The following PRG2 variants were observed in gnomAD, a reference collection of about 807,000 sequenced individuals.
PRG2 encodes the protein bone marrow proteoglycan.
A neutral mutation model predicts 24.7 loss-of-function variants in PRG2; 23 were observed. The ratio of observed to expected loss-of-function variants is 0.93; its 90% CI spans 0.67 to 1.32. The LOEUF (loss-of-function observed/expected upper bound fraction) is 1.32, where lower values mean the gene tolerates loss of function less well. Among genes scored for constraint, PRG2 ranks in the 40% most tolerant of loss-of-function variants. The pLI is 0.00. For synonymous variants in PRG2, 104 were observed against 99.8 expected, an observed-to-expected ratio of 1.04 and a Z score of -0.25; for missense variants, 271 against 280.9, an observed-to-expected ratio of 0.96 and a Z score of 0.25.
chr11:57,388,513 A>T (rs936319016), intron 4 of PRG2, 64 bp downstream of exon 4: 1 of 1,596,042 alleles, frequency 6.3e-7, no homozygotes, highest in Non-Finnish European at 8.6e-7. Flanking sequence ...GACAAATCTG[A>T]TGCAAGCTGA....
chr11:57,389,983 T>C, intron 1 of PRG2, 27 bp from the exon 2 acceptor site: 1 of 1,565,988 alleles, frequency 6.4e-7, no homozygotes, highest in Non-Finnish European at 8.8e-7. Context: ...AGTTTGTCAT[T>C]GACACACACA....
chr11:57,388,932 G>T, intron 3 of PRG2, 78 bp downstream of exon 3: 1 of 1,529,026 alleles, frequency 6.5e-7, no homozygotes, highest in Non-Finnish European at 8.8e-7. Context: ...GGGAAAAAGA[G>T]CCAGTGATAG....
intron 4 of PRG2, 109 bp from the exon 5 acceptor site, chr11:57,387,974 T>G (rs1590656461): frequency 9.8e-6 from 7 of 712,076 alleles, no homozygotes; most frequent in Non-Finnish European, 1.6e-5. Context: ...AATGGGCCCT[T>G]CCCTGCTGGA....
chr11:57,390,267 T>C (rs1258619013), intron 1 of PRG2, among the ~76,000 whole-genome samples: 1 of 152,130 alleles, frequency 6.6e-6, no homozygotes, highest in Non-Finnish European at 1.5e-5. Context: ...TCAGAGTCTA[T>C]GACATAAAAA....
At chr11:57,388,548 A>C (rs1590657054) in intron 4 of PRG2, 29 bp downstream of exon 4, 1 of 1,611,284 alleles carries the variant, frequency 6.2e-7, no homozygotes, top group Non-Finnish European at 8.5e-7. Context: ...CAGCAGGTGC[A>C]CCCCATTTAG....
chr11:57,389,452 C>A, intron 2 of PRG2, 135 bp from the exon 3 acceptor site: 2 of 1,019,822 alleles, frequency 2.0e-6, no homozygotes, highest in Non-Finnish European at 1.4e-6. Context: ...GGAACCCAGT[C>A]TCTATGAGGG....
intron 3 of PRG2, 23 bp downstream of exon 3, chr11:57,388,987 A>C (rs1857103894): frequency 6.2e-7 from 1 of 1,605,138 alleles, no homozygotes; most frequent in Admixed American, 1.7e-5. Flanking sequence ...CTCCCACCTC[A>C]GCCTCAGCCA....
rs1857064601 is a variant in PRG2 at position 57,387,399 on chromosome 11, AG to A, written c.*75del. The A allele has an allele frequency of 7.8e-7, 1 of 1,274,716 alleles. No homozygotes were observed. Among genetic ancestry groups the A allele is most frequent in the Non-Finnish European group, 1.1e-6 (1 of 895,582 alleles). The allele number at this position is 1,274,716 out of a possible 1,614,324, so 79.0% of individuals were successfully genotyped here. A position where few individuals can be genotyped will look rare whatever the true frequency, so the allele number is the denominator to read the frequency against. ...AACCCATTTTATTGCAGGGAGGTGGAGGGAGGGATGGCAAGCAGAGGAGGGG... is the reference window on the plus strand; with the variant it reads ...AACCCATTTTATTGCAGGGAGGTGGAGGAGGGATGGCAAGCAGAGGAGGGG... On this transcript the variant is annotated 3_prime_UTR_variant, in exon 6 of 6. Transcript: ENST00000311862.
At chr11:57,389,813 G>A in intron 2 of PRG2, 74 bp downstream of exon 2, 1 of 1,331,842 alleles carries the variant, frequency 7.5e-7, no homozygotes, top group African/African-American at 1.5e-5. Flanking sequence ...GGGGGTGGGT[G>A]TGTAACTCTG....
At chr11:57,387,960 G>A (rs1053913270) in intron 4 of PRG2, 95 bp from the exon 5 acceptor site, 13 of 858,104 alleles carry the variant, frequency 1.5e-5, no homozygotes, top group African/African-American at 1.2e-4. Flanking sequence ...GCTGCCCACC[G>A]GGCAATGGGC....
At position 57,387,340 on chromosome 11, in the gene PRG2, G is replaced by T; in HGVS notation, c.*135C>A. The T allele has an allele frequency of 4.0e-6, 3 of 756,430 alleles. No individual in the cohort carries two copies. Among genetic ancestry groups the T allele is most frequent in the Non-Finnish European group, 6.6e-6 (3 of 454,386 alleles). 46.9% of individuals were successfully genotyped at this position (756,430 alleles called of 1,614,324 possible). A position where few individuals can be genotyped will look rare whatever the true frequency, so the allele number is the denominator to read the frequency against. ...AATGAGGGCTAAGCAGAGTGGATCC[G>T]CGATCAGAGGAGAAAATAAATCCAT... On this transcript the variant is annotated 3_prime_UTR_variant, in exon 6 of 6. Coordinates refer to ENST00000311862, the MANE Select transcript of PRG2 (RefSeq NM_002728.6).
Position 57,387,396 on chromosome 11 carries a change from T to G in PRG2, c.*79A>C. 2 of 1,236,030 alleles carry G rather than the reference T, an allele frequency of 1.6e-6. No individual in the cohort carries two copies. Among genetic ancestry groups the G allele is most frequent in the Non-Finnish European group, 2.3e-6 (2 of 864,814 alleles). 76.6% of individuals were successfully genotyped at this position (1,236,030 alleles called of 1,614,324 possible). ...TAAAACCCATTTTATTGCAGGGAGG[T>G]GGAGGGAGGGATGGCAAGCAGAGGA... On this transcript the variant is annotated 3_prime_UTR_variant, in exon 6 of 6. Coordinates refer to ENST00000311862, the MANE Select transcript of PRG2 (RefSeq NM_002728.6).
At chr11:57,388,480 G>A (rs1374779367) in intron 4 of PRG2, 97 bp downstream of exon 4, 1 of 1,539,196 alleles carries the variant, frequency 6.5e-7, no homozygotes, top group Non-Finnish European at 8.8e-7. Context: ...TGGTTCTTCT[G>A]GAGATTATAC....
chr11:57,389,746 T>C, intron 2 of PRG2, 141 bp downstream of exon 2: 1 of 742,158 alleles, frequency 1.3e-6, no homozygotes, highest in Non-Finnish European at 2.2e-6. Context: ...CTCCTGGCCA[T>C]AGAGTCCCCA....
At position 57,388,546 on chromosome 11, in the gene PRG2, G is replaced by T. The variant is rs1316376192; in HGVS notation, c.498+31C>A. ...TGAGTGCTGGCTGAGATCAGCAGGT[G>T]CACCCCATTTAGTGTTCACACTTCT... On this transcript the variant is annotated intron_variant, in intron 4 of 5. Coordinates refer to ENST00000311862, the MANE Select transcript of PRG2 (RefSeq NM_002728.6). 3.1e-6 allele frequency: 5 copies of T among 1,610,912 alleles called. No homozygotes were observed. The South Asian group carries it at 5.5e-5, about 18-fold the overall frequency.
Position 57,387,784 on chromosome 11 carries a change from C to T in PRG2, c.580G>A (p.Gly194Ser), listed in dbSNP as rs770219435. The T allele has an allele frequency of 9.4e-6, 15 of 1,591,924 alleles. No homozygotes were observed. The East Asian group carries it at 2.0e-4, about 22-fold the overall frequency. ...YWAAHQPWSR[G>S]GHCVALCTRG... The stretch of plus-strand genomic sequence containing the variant: ...GTACACAGGGCCACGCAGTGACCAC[C>T]GCGGGACCAGGGCTGGTGAGCAGCC... Residue 194 changes from glycine to serine, a missense_variant, in exon 5 of 6, where the codon GGT becomes AGT. By Grantham distance (56) the Gly-to-Ser change is moderately conservative. Transcript: ENST00000311862.
intron 3 of PRG2, 127 bp from the exon 4 acceptor site, chr11:57,388,835 G>T (rs1857100264): frequency 3.4e-6 from 5 of 1,456,502 alleles, no homozygotes; most frequent in Middle Eastern, 2.1e-4. Context: ...AGACCAAAAT[G>T]CAACTTCTGT....
In PRG2 at chr11:57,387,339, C is replaced by T. The variant is rs972533214; in HGVS notation, c.*136G>A. 6.4e-5 allele frequency: 48 copies of T among 751,002 alleles called. No homozygotes were observed. Among genetic ancestry groups the T allele is most frequent in the Non-Finnish European group, 8.9e-5 (40 of 450,890 alleles). 46.5% of individuals were successfully genotyped at this position (751,002 alleles called of 1,614,324 possible). A position where few individuals can be genotyped will look rare whatever the true frequency, so the allele number is the denominator to read the frequency against. On this transcript the variant is annotated 3_prime_UTR_variant, in exon 6 of 6. Transcript: ENST00000311862. ...CAATGAGGGCTAAGCAGAGTGGATC[C>T]GCGATCAGAGGAGAAAATAAATCCA...
At chr11:57,387,699 G>T in intron 5 of PRG2, 55 bp downstream of exon 5, 1 of 1,445,640 alleles carries the variant, frequency 6.9e-7, no homozygotes, top group African/African-American at 1.4e-5. Context: ...TCTCCTCCTT[G>T]GGGCACTTCC....
Sources: allele counts gnomAD v4.1 joint callset (sites outside exome capture counted in the v4.1 genomes callset), GRCh38; gene constraint gnomAD v4.1.1; transcripts MANE v1.5; gene names NCBI Gene and HGNC (gene_info 2026-07-23, HGNC 2026-07-21).